DPYD: variants seen among roughly 807,000 people sequenced by gnomAD.
DPYD encodes the protein dihydropyrimidine dehydrogenase, also known as dihydropyrimidine dehydrogenase [NADP(+)].
A neutral mutation model predicts 116.2 loss-of-function variants in DPYD; 109 were observed. That is an observed-to-expected ratio of 0.94 (90% confidence interval 0.80 to 1.10). The LOEUF (loss-of-function observed/expected upper bound fraction) is 1.10. Among genes scored for constraint, DPYD ranks in the 50% least tolerant of loss-of-function variants. The probability of loss-of-function intolerance (pLI) is 0.00; values close to 1 mark genes in which losing one functional copy is unlikely to be tolerated. For synonymous variants in DPYD, 440 were observed against 432.0 expected, an observed-to-expected ratio of 1.02 and a Z score of -0.23; for missense variants, 1,302 against 1,254.5, an observed-to-expected ratio of 1.04 and a Z score of -0.57.
At chr1:97,601,830 G>GA (rs1041369424) in intron 8 of DPYD, among the ~76,000 whole-genome samples, 1 of 151,760 alleles carries the variant, frequency 6.6e-6, no homozygotes, top group African/African-American at 2.4e-5. Flanking sequence ...ACAGAATGCA[G>GA]AAAAAAATGG....
At chr1:97,409,298 A>C (rs1215536312) in intron 14 of DPYD, among the ~76,000 whole-genome samples, 2 of 152,178 alleles carry the variant, frequency 1.3e-5, no homozygotes, top group Non-Finnish European at 2.9e-5. Context: ...ACTATGATTG[A>C]AAGTTTAATG....
chr1:97,373,796 T>A (rs1671437894), intron 15 of DPYD, 152 bp from the exon 16 acceptor site: 1 of 676,118 alleles, frequency 1.5e-6, no homozygotes, highest in African/African-American at 1.8e-5. Context: ...TCTCTCTCTC[T>A]CAAATTAAGG....
intron 20 of DPYD, among the ~76,000 whole-genome samples, chr1:97,135,835 T>G (rs1270647381): frequency 6.6e-6 from 1 of 152,158 alleles, no homozygotes; most frequent in Non-Finnish European, 1.5e-5. Flanking sequence ...ATGGACCTTG[T>G]TAAAAAATGA....
intron 8 of DPYD, among the ~76,000 whole-genome samples, chr1:97,619,412 T>C (rs1656499197): frequency 6.6e-6 from 1 of 152,174 alleles, no homozygotes; most frequent in Admixed American, 6.6e-5. Context: ...CATGTAGTAA[T>C]ATATAGAGAT....
At chr1:97,784,712 G>T (rs1432988961) in intron 3 of DPYD, among the ~76,000 whole-genome samples, 1 of 152,102 alleles carries the variant, frequency 6.6e-6, no homozygotes, top group African/African-American at 2.4e-5. Flanking sequence ...TAACTACTGT[G>T]AAAAACATGT....
intron 3 of DPYD, among the ~76,000 whole-genome samples, chr1:97,747,347 T>G (rs912330476): frequency 6.6e-6 from 1 of 152,162 alleles, no homozygotes; most frequent in African/African-American, 2.4e-5. Context: ...AGGTACACTT[T>G]AATCAAGAAA....
At position 97,193,209 on chromosome 1, in the gene DPYD, C is replaced by T. The variant is rs200687447; in HGVS notation, c.2482G>A (p.Glu828Lys). The T allele has an allele frequency of 2.5e-5, 40 of 1,613,816 alleles. No individual in the cohort carries two copies. The highest frequency in any genetic ancestry group is 3.0e-5 in the Non-Finnish European group (35 of 1,179,918). Reference sequence around the variant, plus strand: ...GCTTTGAGGCCAGTGCAGTAGTCTTCGATCACAGTGAAATCCTGATTCTGA... The same window carrying T: ...GCTTTGAGGCCAGTGCAGTAGTCTTTGATCACAGTGAAATCCTGATTCTGA... Reference protein sequence around the residue: ...AIQNQDFTVIEDYCTGLKALL... With the variant: ...AIQNQDFTVIKDYCTGLKALL... The change falls in exon 20 of 23, where the codon GAA becomes AAA. Residue 828 changes from glutamate to lysine, a missense_variant. By Grantham distance (56) the Glu-to-Lys change is moderately conservative (BLOSUM62 1). Transcript: ENST00000370192.
chr1:97,559,243 T>C (rs1241534404), intron 11 of DPYD, among the ~76,000 whole-genome samples: 1 of 152,100 alleles, frequency 6.6e-6, no homozygotes, highest in East Asian at 1.9e-4. Context: ...TTAAGAAAAA[T>C]GTTTCATATA....
At chr1:97,504,076 G>A (rs1679746927) in intron 13 of DPYD, among the ~76,000 whole-genome samples, 1 of 151,982 alleles carries the variant, frequency 6.6e-6, no homozygotes. Flanking sequence ...CAAAAAGTTA[G>A]GGATGGATGT....
intron 14 of DPYD, 33 bp downstream of exon 14, chr1:97,450,026 A>T (rs771349157): frequency 1.2e-6 from 2 of 1,613,320 alleles, no homozygotes; most frequent in Non-Finnish European, 1.7e-6. Flanking sequence ...ACTTATGCCA[A>T]TTCTCTTGTT....
chr1:97,844,276 T>C (rs767614069), intron 2 of DPYD, among the ~76,000 whole-genome samples: 8 of 152,296 alleles, frequency 5.3e-5, no homozygotes, highest in Non-Finnish European at 7.4e-5. Flanking sequence ...CCTATAAGCT[T>C]TGTAATCTCA....
chr1:97,601,562 C>CTG (rs1655248523), intron 8 of DPYD, among the ~76,000 whole-genome samples: 1 of 151,892 alleles, frequency 6.6e-6, no homozygotes, highest in African/African-American at 2.4e-5. Flanking sequence ...TAAAATATTC[C>CTG]TTTCAAGTGT....
At chr1:97,597,012 C>A (rs1250528522) in intron 8 of DPYD, among the ~76,000 whole-genome samples, 2 of 152,054 alleles carry the variant, frequency 1.3e-5, no homozygotes, top group African/African-American at 4.8e-5. Flanking sequence ...GTAACAGAAA[C>A]AATTATATAA....
intron 17 of DPYD, among the ~76,000 whole-genome samples, 158 bp from the exon 18 acceptor site, chr1:97,305,536 T>C (rs2101038064): frequency 6.6e-6 from 1 of 152,148 alleles, no homozygotes; most frequent in East Asian, 1.9e-4. Flanking sequence ...ACATTTATGT[T>C]TAAAATTTTA....
At chr1:97,251,426 GA>G (rs992276482) in intron 18 of DPYD, among the ~76,000 whole-genome samples, 113 of 135,354 alleles carry the variant, frequency 8.3e-4, no homozygotes, top group African/African-American at 2.9e-3. Flanking sequence ...AAGAAAAAAA[GA>G]AAAAAAATGA....
chr1:97,777,717 T>G (rs886896607), intron 3 of DPYD, among the ~76,000 whole-genome samples: 1 of 152,176 alleles, frequency 6.6e-6, no homozygotes, highest in African/African-American at 2.4e-5. Context: ...TGCTTTAATG[T>G]TGATATATGG....
chr1:97,173,542 TA>T (rs1657031748), intron 20 of DPYD, among the ~76,000 whole-genome samples: 1 of 151,284 alleles, frequency 6.6e-6, no homozygotes. Context: ...GTGAAGTATT[TA>T]GAGTTTATTA....
chr1:97,100,048 A>G (rs1182082992), intron 20 of DPYD, among the ~76,000 whole-genome samples: 2 of 152,126 alleles, frequency 1.3e-5, no homozygotes, highest in Non-Finnish European at 2.9e-5. Context: ...TGAGTACTTC[A>G]TCTCTACACC....
intron 10 of DPYD, among the ~76,000 whole-genome samples, chr1:97,592,511 C>T (rs555162818): frequency 1.2e-3 from 189 of 152,164 alleles, no homozygotes; most frequent in Middle Eastern, 3.4e-3. Context: ...GGATTACAGG[C>T]GCCCACCACC....
Sources: gnomAD v4.1 joint callset for allele counts (sites outside exome capture counted in the v4.1 genomes callset) on GRCh38, gnomAD v4.1.1 for gene constraint, MANE v1.5 for transcripts, NCBI Gene and HGNC (gene_info 2026-07-23, HGNC 2026-07-21) for gene names.